The following BIRC2 variants were observed in gnomAD, a reference collection of about 807,000 sequenced individuals.
The protein encoded by BIRC2 is baculoviral IAP repeat containing 2.
In BIRC2, 18 loss-of-function variants were observed where a neutral mutation model predicts 60.9. The ratio of observed to expected loss-of-function variants is 0.30; its 90% confidence interval spans 0.20 to 0.44. The LOEUF (loss-of-function observed/expected upper bound fraction) is 0.44, where lower values mean the gene tolerates loss of function less well. Ranked by LOEUF, BIRC2 falls within the 20% of genes least tolerant of loss-of-function variation. The probability of loss-of-function intolerance (pLI) is 1.00; values close to 1 mark genes in which losing one functional copy is unlikely to be tolerated. For missense variants in BIRC2, 701 were observed against 728.5 expected (o/e 0.96, Z 0.43); for synonymous variants, 282 against 247.7 (o/e 1.14, Z -1.30).
intron 5 of BIRC2, among the ~76,000 whole-genome samples, chr11:102,365,522 A>T (rs182517306): frequency 6.6e-6 from 1 of 152,312 alleles, no homozygotes; most frequent in Non-Finnish European, 1.5e-5. Flanking sequence ...CGTGTTAGCA[A>T]ATCCACTACT....
At position 102,349,781 on chromosome 11, in the gene BIRC2, T is replaced by C; in HGVS notation, c.-74T>C. On this transcript the variant is annotated 5_prime_UTR_variant, in exon 2 of 9. Transcript: ENST00000227758. ...AGAGTCTATCATTGATTTCTTTTTG[T>C]GGTAAAAATCTTAGTTCATGTGAAG... 7.1e-7 allele frequency: 1 copy of C among 1,411,782 alleles called. No homozygotes were observed. The highest frequency in any genetic ancestry group is 9.6e-7 in the Non-Finnish European group (1 of 1,040,304). 87.5% of individuals were successfully genotyped at this position (1,411,782 alleles called of 1,614,324 possible). A position where few individuals can be genotyped will look rare whatever the true frequency, so the allele number is the denominator to read the frequency against.
chr11:102,347,796 C>T (rs1259605381), intron 1 of BIRC2: 1 of 152,158 alleles, frequency 6.6e-6, no homozygotes, highest in East Asian at 1.9e-4. Context: ...TCTGTCATTC[C>T]AGTAGTCGTC....
intron 6 of BIRC2, among the ~76,000 whole-genome samples, chr11:102,374,905 A>C (rs1161009801): frequency 1.3e-5 from 2 of 152,124 alleles, no homozygotes; most frequent in East Asian, 3.9e-4. Context: ...AAAGCGCAAT[A>C]TTCGGGTGGG....
rs1951728522 is a variant in BIRC2, at chr11:102,377,556, T to C, written c.1427T>C (p.Leu476Pro). Residue 476 changes from leucine (L) to proline (P), a missense_variant, in exon 7 of 9, where the codon CTT (leucine) becomes CCT (proline). Physicochemically the swap from Leu to Pro is moderately conservative, Grantham distance 98. Transcript: ENST00000227758. ...CTCTTTCAACAATTGACATGTGTGC[T>C]TCCTATCCTGGATAATCTTTTAAAG... ...MALFQQLTCV[L>P]PILDNLLKAN... 1 of 1,610,116 alleles carries C rather than the reference T, an allele frequency of 6.2e-7. No homozygotes were observed. Among genetic ancestry groups the C allele is most frequent in the Non-Finnish European group, 8.5e-7 (1 of 1,178,664 alleles).
rs1246670759 is a variant in BIRC2 at position 102,349,647 on chromosome 11, C to T, written c.-208C>T. 1 of 492,496 alleles carries T rather than the reference C, an allele frequency of 2.0e-6. No individual in the cohort carries two copies. Among genetic ancestry groups the T allele is most frequent in the Non-Finnish European group, 3.5e-6 (1 of 287,284 alleles). 30.5% of individuals were successfully genotyped at this position (492,496 alleles called of 1,614,324 possible). ...GTTACCTGAAAGAGTTACTACAACC[C>T]CAAAGAGTTGTGTTCTAAGTAGTAT... On this transcript the variant is annotated 5_prime_UTR_variant, in exon 2 of 9. Coordinates refer to ENST00000227758, the MANE Select transcript of BIRC2 (RefSeq NM_001166.5).
At chr11:102,369,835 T>C (rs2135819743) in intron 6 of BIRC2, among the ~76,000 whole-genome samples, 1 of 144,550 alleles carries the variant, frequency 6.9e-6, no homozygotes, top group East Asian at 2.0e-4. Flanking sequence ...TGTTGTTTCC[T>C]GACTTTTTAA....
At chr11:102,351,492 G>A (rs758598498) in intron 3 of BIRC2, among the ~76,000 whole-genome samples, 17 of 151,700 alleles carry the variant, frequency 1.1e-4, no homozygotes, top group African/African-American at 2.2e-4. Context: ...GCGCGTGGCC[G>A]TAGTCCCAGC....
At position 102,378,340 on chromosome 11, in the gene BIRC2, A is replaced by G. The variant is rs569443656; in HGVS notation, c.*157A>G. The G allele has an allele frequency of 1.7e-6, 1 of 573,160 alleles. No individual in the cohort carries two copies. The highest frequency in any genetic ancestry group is 2.9e-6 in the Non-Finnish European group (1 of 345,492). 35.5% of individuals were successfully genotyped at this position (573,160 alleles called of 1,614,324 possible). ...TACTAATAATCTTGTTTCTGAAAAGATGGTATCATATATTTAATCTTAATC... is the reference window on the plus strand; with the variant it reads ...TACTAATAATCTTGTTTCTGAAAAGGTGGTATCATATATTTAATCTTAATC... On this transcript the variant is annotated 3_prime_UTR_variant, in exon 9 of 9. Coordinates refer to ENST00000227758, the MANE Select transcript of BIRC2 (RefSeq NM_001166.5).
intron 3 of BIRC2, among the ~76,000 whole-genome samples, chr11:102,359,100 A>G (rs1003101436): frequency 5.3e-5 from 8 of 151,894 alleles, no homozygotes; most frequent in East Asian, 1.9e-4. Flanking sequence ...TGATTCCTTT[A>G]TATCTTTTGT....
At chr11:102,374,352 G>A (rs555717466) in intron 6 of BIRC2, among the ~76,000 whole-genome samples, 2 of 149,580 alleles carry the variant, frequency 1.3e-5, no homozygotes, top group Non-Finnish European at 3.0e-5. Flanking sequence ...TTTCGGTGTG[G>A]ATGTCCTTTC....
intron 5 of BIRC2, among the ~76,000 whole-genome samples, chr11:102,364,067 A>G (rs1049806652): frequency 3.4e-4 from 51 of 148,340 alleles, no homozygotes; most frequent in African/African-American, 1.2e-3. Flanking sequence ...AAAGGTAGGA[A>G]TGAAAGTATG....
chr11:102,347,997 G>A (rs1196830778), intron 1 of BIRC2, among the ~76,000 whole-genome samples: 2 of 152,182 alleles, frequency 1.3e-5, no homozygotes, highest in East Asian at 3.8e-4. Flanking sequence ...AAGCAATCAT[G>A]CCAGTGGTCG....
At chr11:102,373,668 G>A (rs1313337567) in intron 6 of BIRC2, among the ~76,000 whole-genome samples, 4 of 150,852 alleles carry the variant, frequency 2.7e-5, no homozygotes, top group Non-Finnish European at 5.9e-5. Flanking sequence ...TTCTCGAGGA[G>A]TATCTTTGTG....
intron 3 of BIRC2, among the ~76,000 whole-genome samples, chr11:102,354,190 T>C (rs1403614800): frequency 6.6e-6 from 1 of 152,224 alleles, no homozygotes; most frequent in Non-Finnish European, 1.5e-5. Context: ...TTCATTCATG[T>C]TGCAGATGGT....
At chr11:102,364,174 T>TATATATATATACACACACACACAC (rs1389968594) in intron 5 of BIRC2, among the ~76,000 whole-genome samples, 1 of 78,120 alleles carries the variant, frequency 1.3e-5, no homozygotes, top group African/African-American at 6.7e-5. Flanking sequence ...TATATATATA[T>TATATATATATACACACACACACAC]ACACACACAC....
Position 102,348,684 on chromosome 11 carries a change from G to A in BIRC2, c.-1171G>A, listed in dbSNP as rs959444769. ...TATGGAGATCTCGAAACTTTATAAAGGGATATAGTTTGAATTCTATGGAGT... is the reference window on the plus strand; with the variant it reads ...TATGGAGATCTCGAAACTTTATAAAAGGATATAGTTTGAATTCTATGGAGT... On this transcript the variant is annotated 5_prime_UTR_variant, in exon 2 of 9. Coordinates refer to ENST00000227758, the MANE Select transcript of BIRC2 (RefSeq NM_001166.5). The A allele has an allele frequency of 2.6e-6, 1 of 387,606 alleles. No homozygotes were observed. The highest frequency in any genetic ancestry group is 5.0e-6 in the Non-Finnish European group (1 of 198,512). The allele number at this position is 387,606 out of a possible 1,614,324, so 24.0% of individuals were successfully genotyped here. A position where few individuals can be genotyped will look rare whatever the true frequency, so the allele number is the denominator to read the frequency against.
intron 5 of BIRC2, among the ~76,000 whole-genome samples, chr11:102,364,209 AG>A (rs1432802934): frequency 7.2e-4 from 103 of 143,576 alleles, no homozygotes; most frequent in African/African-American, 2.4e-3. Flanking sequence ...AGAGAGAGAG[AG>A]AGAGAGTGTA....
intron 6 of BIRC2, among the ~76,000 whole-genome samples, chr11:102,373,760 T>G (rs1037470620): frequency 3.6e-4 from 54 of 151,868 alleles, no homozygotes; most frequent in African/African-American, 1.2e-3. Flanking sequence ...TCCTGCAGAG[T>G]GTTTTCCAAC....
At chr11:102,351,166 TTTTA>T (rs1251684229) in intron 3 of BIRC2, among the ~76,000 whole-genome samples, 5 of 152,372 alleles carry the variant, frequency 3.3e-5, no homozygotes, top group Non-Finnish European at 5.9e-5. Context: ...TGACCGTACA[TTTTA>T]TTTATTTCCC....
Sources: gnomAD v4.1 joint callset for allele counts (sites outside exome capture counted in the v4.1 genomes callset) on GRCh38, gnomAD v4.1.1 for gene constraint, MANE v1.5 for transcripts, NCBI Gene and HGNC (gene_info 2026-07-23, HGNC 2026-07-21) for gene names.